The following N4BP2 variants were observed in gnomAD, a reference collection of about 807,000 sequenced individuals.
N4BP2 encodes NEDD4-binding protein 2.
A neutral mutation model predicts 152.8 loss-of-function variants in N4BP2; 91 were observed. That is an observed-to-expected ratio of 0.60 (90% CI 0.50 to 0.71). The LOEUF is 0.71. Ranked by LOEUF, N4BP2 falls within the 30% of genes least tolerant of loss-of-function variation. N4BP2 has a pLI of 0.00. For synonymous variants in N4BP2, 646 were observed against 705.3 expected (o/e 0.92, Z 1.33); for missense variants, 1,923 against 2,059.1 (o/e 0.93, Z 1.28).
chr4:40,136,803 G>A (rs1381246288), intron 13 of N4BP2, 141 bp from the exon 14 acceptor site: 1 of 580,322 alleles, frequency 1.7e-6, no homozygotes, highest in Non-Finnish European at 3.0e-6. Flanking sequence ...TACACCATGA[G>A]CATTTAATTT....
intron 1 of N4BP2, among the ~76,000 whole-genome samples, chr4:40,059,073 C>T (rs991391503): frequency 2.0e-5 from 3 of 152,046 alleles, no homozygotes; most frequent in Non-Finnish European, 2.9e-5. Flanking sequence ...CAACTGCCTC[C>T]GCCTCCCAAA....
the N4BP2 span, among the ~76,000 whole-genome samples, chr4:40,183,633 G>A: frequency 6.6e-6 from 1 of 152,200 alleles, no homozygotes; most frequent in African/African-American, 2.4e-5. Flanking sequence ...ACTGCGACCG[G>A]CCTACTTTTT....
Position 40,128,835 on chromosome 4 carries a change from TA to T in N4BP2, c.4527+2515del, listed in dbSNP as rs201364379. 3.5e-4 allele frequency among the ~76,000 whole-genome samples: 51 copies of T among 144,748 alleles called. 1 individual carries two copies. Among genetic ancestry groups the T allele is most frequent in the Admixed American group, 2.3e-3 (32 of 13,898 alleles). 95.0% of individuals were successfully genotyped at this position (144,748 alleles called of 152,430 possible). A position where few individuals can be genotyped will look rare whatever the true frequency, so the allele number is the denominator to read the frequency against. ...CACCCAGCCAGCAATGGATTTTCTTTAAAAAAAAAATAAATAAATAAAATAA... is the reference window on the plus strand; with the variant it reads ...CACCCAGCCAGCAATGGATTTTCTTTAAAAAAAAATAAATAAATAAAATAA... On this transcript the variant is annotated intron_variant, in intron 12 of 17. Transcript: ENST00000261435.
chr4:40,144,616 T>A lies in N4BP2; in HGVS notation c.4975-16T>A. The A allele has an allele frequency of 6.3e-7, 1 of 1,583,328 alleles. No individual in the cohort carries two copies. The highest frequency in any genetic ancestry group is 8.6e-7 in the Non-Finnish European group (1 of 1,163,472). On this transcript the variant is annotated splice_polypyrimidine_tract_variant and intron_variant, in intron 15 of 17. Transcript: ENST00000261435. ...AAACAGCAAAACTGTCCCTTGGTGA[T>A]ATGTTTATGATTTAGGGTACTCTTC...
rs548250510 is a variant in N4BP2, at chr4:40,138,065, G to A, written c.4785+983G>A. On this transcript the variant is annotated intron_variant, in intron 14 of 17. Transcript: ENST00000261435. ...GGATGGAGATGAGGGGGCAGGAGGAGCAGCCTCTCTAGTGTCATGAAGGCT... is the reference window on the plus strand; with the variant it reads ...GGATGGAGATGAGGGGGCAGGAGGAACAGCCTCTCTAGTGTCATGAAGGCT... 5.9e-5 allele frequency among the ~76,000 whole-genome samples: 9 copies of A among 152,334 alleles called. No individual in the cohort carries two copies. The South Asian group carries it at 1.7e-3, about 28-fold the overall frequency.
At chr4:40,134,311 A>G (rs138817644) in intron 13 of N4BP2, among the ~76,000 whole-genome samples, 6 of 152,226 alleles carry the variant, frequency 3.9e-5, no homozygotes, top group African/African-American at 1.2e-4. Context: ...CTCCTGTTCT[A>G]TGAGTACCTA....
chr4:40,180,184 T>A, the N4BP2 span, among the ~76,000 whole-genome samples: 1 of 152,328 alleles, frequency 6.6e-6, no homozygotes, highest in Non-Finnish European at 1.5e-5. Context: ...ATAAACAGAT[T>A]ATTGATATCT....
At chr4:40,061,156 G>A (rs1344784006) in intron 1 of N4BP2, among the ~76,000 whole-genome samples, 3 of 151,600 alleles carry the variant, frequency 2.0e-5, no homozygotes, top group Non-Finnish European at 2.9e-5. Context: ...CAGATTTAAG[G>A]TTATTAGTGT....
the N4BP2 span, among the ~76,000 whole-genome samples, chr4:40,165,658 T>A: frequency 6.6e-6 from 1 of 152,308 alleles, no homozygotes; most frequent in East Asian, 1.9e-4. Flanking sequence ...TACATCTCTA[T>A]GTACGTGTGT....
chr4:40,160,499 G>A (rs1332632867), downstream of N4BP2, among the ~76,000 whole-genome samples: 1 of 152,190 alleles, frequency 6.6e-6, no homozygotes, highest in African/African-American at 2.4e-5. Flanking sequence ...CCACGCTAAC[G>A]TTAACTTTCC....
At chr4:40,176,992 T>G in the N4BP2 span, among the ~76,000 whole-genome samples, 3 of 152,330 alleles carry the variant, frequency 2.0e-5, no homozygotes, top group Admixed American at 6.5e-5. Context: ...GCCTACATTT[T>G]CGTGGCTGTG....
At chr4:40,112,057 G>A in intron 5 of N4BP2, 27 bp from the exon 6 acceptor site, 1 of 1,211,982 alleles carries the variant, frequency 8.3e-7, no homozygotes, top group Non-Finnish European at 1.2e-6. Flanking sequence ...TTTAAAAAAT[G>A]ATTTTTAATT....
At position 40,154,326 on chromosome 4, in the gene N4BP2, G is replaced by A; in HGVS notation, c.*89G>A. On this transcript the variant is annotated 3_prime_UTR_variant, in exon 18 of 18. Transcript: ENST00000261435. ...ATTCAGTCAATTCTACCCTAAAGAT[G>A]TGTTTTATTATAAATAATATTCAAT... The A allele has an allele frequency of 2.6e-6, 2 of 780,430 alleles. No homozygotes were observed. Among genetic ancestry groups the A allele is most frequent in the East Asian group, 2.7e-5 (1 of 36,500 alleles). 48.3% of individuals were successfully genotyped at this position (780,430 alleles called of 1,614,324 possible). A position where few individuals can be genotyped will look rare whatever the true frequency, so the allele number is the denominator to read the frequency against.
chr4:40,110,737 T>C (rs1716794757), intron 5 of N4BP2, among the ~76,000 whole-genome samples: 1 of 152,006 alleles, frequency 6.6e-6, no homozygotes, highest in Non-Finnish European at 1.5e-5. Context: ...GGGGTTTCAC[T>C]GTGTTGGCCA....
At chr4:40,143,994 G>A (rs1213449050) in intron 15 of N4BP2, among the ~76,000 whole-genome samples, 2 of 152,066 alleles carry the variant, frequency 1.3e-5, no homozygotes, top group African/African-American at 2.4e-5. Context: ...GGAGTGTAGC[G>A]CAGTCGAAGT....
chr4:40,108,779 A>G (rs895076873), intron 5 of N4BP2, among the ~76,000 whole-genome samples: 2 of 150,948 alleles, frequency 1.3e-5, no homozygotes, highest in African/African-American at 4.9e-5. Flanking sequence ...TGAATTTTCT[A>G]TGGAGAATCT....
intron 16 of N4BP2, among the ~76,000 whole-genome samples, chr4:40,149,549 T>C (rs181448773): frequency 3.9e-5 from 6 of 152,294 alleles, no homozygotes; most frequent in Non-Finnish European, 8.8e-5. Context: ...AATTGCATAT[T>C]TTAAAATGGT....
intron 1 of N4BP2, among the ~76,000 whole-genome samples, chr4:40,068,092 T>C: frequency 6.6e-6 from 1 of 152,258 alleles, no homozygotes; most frequent in East Asian, 1.9e-4. Flanking sequence ...TCTTTTCATA[T>C]ACTTGTTGGC....
chr4:40,106,659 A>G (rs1356730856), intron 4 of N4BP2, among the ~76,000 whole-genome samples: 2 of 151,948 alleles, frequency 1.3e-5, no homozygotes, highest in Non-Finnish European at 2.9e-5. Flanking sequence ...AGCAATTCTC[A>G]TGCCTCAGCC....
Sources: gnomAD v4.1 joint callset for allele counts (sites outside exome capture counted in the v4.1 genomes callset) on GRCh38, gnomAD v4.1.1 for gene constraint, MANE v1.5 for transcripts, NCBI Gene and HGNC (gene_info 2026-07-23, HGNC 2026-07-21) for gene names.